NCOA1: variants seen among roughly 807,000 people sequenced by gnomAD.
NCOA1 encodes the protein nuclear receptor coactivator 1, also known as Hin-2 protein.
In NCOA1, 35 loss-of-function variants were observed where a neutral mutation model predicts 150.9. The ratio of observed to expected loss-of-function variants is 0.23; its 90% CI spans 0.18 to 0.31. The LOEUF is 0.31. NCOA1 is among the 10% of genes least tolerant of loss of function. The probability of loss-of-function intolerance (pLI) is 1.00; values close to 1 mark genes in which losing one functional copy is unlikely to be tolerated. For missense variants in NCOA1, 1,491 were observed against 1,749.3 expected, an observed-to-expected ratio of 0.85 and a Z score of 2.63; for synonymous variants, 590 against 630.0, an observed-to-expected ratio of 0.94 and a Z score of 0.95.
chr2:24,673,028 T>C (rs1383395645), intron 6 of NCOA1, among the ~76,000 whole-genome samples: 1 of 152,254 alleles, frequency 6.6e-6, no homozygotes, highest in African/African-American at 2.4e-5. Context: ...TAATTTTTCT[T>C]TTACAACTTA....
At chr2:24,739,970 CT>C (rs200840030) in intron 18 of NCOA1, among the ~76,000 whole-genome samples, 165 of 144,678 alleles carry the variant, frequency 1.1e-3, no homozygotes, top group Admixed American at 1.5e-3. Context: ...TTTTAAATCC[CT>C]TTTTTTTTTT....
At position 24,605,737 on chromosome 2, in the gene NCOA1, C is replaced by T. The variant is rs1668334136; in HGVS notation, c.-175+21177C>T. ...CAGAGTTAGGTTGAATTTTCCACCTCTGTTGCATCAGGAATGGCCATGTAA... is the reference window on the plus strand; with the variant it reads ...CAGAGTTAGGTTGAATTTTCCACCTTTGTTGCATCAGGAATGGCCATGTAA... On this transcript the variant is annotated intron_variant, in intron 3 of 22. Transcript: ENST00000348332. 2.0e-5 allele frequency among the ~76,000 whole-genome samples: 3 copies of T among 152,142 alleles called. No individual in the cohort carries two copies. The South Asian group carries it at 6.2e-4, about 31-fold the overall frequency.
intron 1 of NCOA1, among the ~76,000 whole-genome samples, chr2:24,522,539 C>T (rs145404304): frequency 2.6e-5 from 4 of 152,124 alleles, no homozygotes; most frequent in East Asian, 1.9e-4. Flanking sequence ...GTACAAAGAG[C>T]GTACACCAGA....
At chr2:24,698,381 C>A (rs1462059864) in intron 11 of NCOA1, among the ~76,000 whole-genome samples, 2 of 151,858 alleles carry the variant, frequency 1.3e-5, no homozygotes, top group East Asian at 3.8e-4. Flanking sequence ...GTTGCAGAAC[C>A]TGTATCTCCT....
At chr2:24,758,521 AG>A (rs1664613769) in intron 21 of NCOA1, among the ~76,000 whole-genome samples, 1 of 151,782 alleles carries the variant, frequency 6.6e-6, no homozygotes, top group Admixed American at 6.6e-5. Flanking sequence ...TGCAGAAACA[AG>A]GTCTCACTAT....
At chr2:24,726,067 A>G (rs1399069517) in intron 14 of NCOA1, among the ~76,000 whole-genome samples, 2 of 152,162 alleles carry the variant, frequency 1.3e-5, no homozygotes, top group African/African-American at 2.4e-5. Context: ...GGCCATCATT[A>G]TAAGTCTCAG....
intron 1 of NCOA1, among the ~76,000 whole-genome samples, chr2:24,521,175 G>C (rs1664402110): frequency 6.6e-6 from 1 of 152,048 alleles, no homozygotes; most frequent in African/African-American, 2.4e-5. Flanking sequence ...ATACAACATG[G>C]TATTTTGATA....
chr2:24,550,690 A>G (rs1665788259), intron 1 of NCOA1, among the ~76,000 whole-genome samples: 2 of 152,356 alleles, frequency 1.3e-5, no homozygotes, highest in African/African-American at 2.4e-5. Context: ...TGTGCATAGA[A>G]TATCTATGAA....
At chr2:24,645,690 C>T (rs1038402058) in intron 4 of NCOA1, among the ~76,000 whole-genome samples, 6 of 152,104 alleles carry the variant, frequency 3.9e-5, no homozygotes, top group African/African-American at 1.4e-4. Context: ...TACTTATCAG[C>T]TGAGCATCCG....
intron 3 of NCOA1, among the ~76,000 whole-genome samples, chr2:24,585,986 C>T (rs1018823731): frequency 6.6e-6 from 1 of 151,986 alleles, no homozygotes; most frequent in Non-Finnish European, 1.5e-5. Flanking sequence ...GTTAAAGATT[C>T]ATTTGGGGCC....
chr2:24,751,132 C>T (rs1013665251), intron 19 of NCOA1, among the ~76,000 whole-genome samples: 4 of 150,802 alleles, frequency 2.7e-5, no homozygotes, highest in Non-Finnish European at 4.4e-5. Context: ...AGATAACAGG[C>T]GTTTTTGTAT....
intron 1 of NCOA1, among the ~76,000 whole-genome samples, chr2:24,524,028 G>T (rs1291365735): frequency 6.6e-6 from 1 of 151,416 alleles, no homozygotes; most frequent in Admixed American, 6.6e-5. Context: ...ATCCACTTAT[G>T]GGAGCTGATT....
intron 6 of NCOA1, among the ~76,000 whole-genome samples, chr2:24,669,476 C>G (rs553135324): frequency 1.3e-5 from 2 of 152,278 alleles, no homozygotes; most frequent in South Asian, 4.2e-4. Context: ...AGTCACATAG[C>G]CATTCCTACC....
intron 7 of NCOA1, among the ~76,000 whole-genome samples, chr2:24,673,748 G>A (rs1671783477): frequency 6.6e-6 from 1 of 152,090 alleles, no homozygotes; most frequent in South Asian, 2.1e-4. Context: ...GTTAGGCCTA[G>A]TTGGGAAAAT....
chr2:24,715,785 A>G (rs1236202735), intron 14 of NCOA1, among the ~76,000 whole-genome samples: 3 of 152,180 alleles, frequency 2.0e-5, no homozygotes, highest in East Asian at 1.9e-4. Context: ...GTAAGACACA[A>G]TTTTGTCAAG....
In NCOA1 at chr2:24,561,958, G is replaced by C. The variant is rs112991443; in HGVS notation, c.-395-2337G>C. On this transcript the variant is annotated intron_variant, in intron 1 of 22. Coordinates refer to ENST00000348332, the MANE Select transcript of NCOA1 (RefSeq NM_003743.5). ...TACCTTAATGTTGCTAGGAAAAACTGGTTGGTAATTTGAAATGCAGGTCAG... is the reference window on the plus strand; with the variant it reads ...TACCTTAATGTTGCTAGGAAAAACTCGTTGGTAATTTGAAATGCAGGTCAG... Among the ~76,000 whole-genome samples, 334 of 152,150 alleles carry C rather than the reference G, an allele frequency of 2.2e-3. 6 individuals carry two copies. Among genetic ancestry groups the C allele is most frequent in the African/African-American group, 7.8e-3 (323 of 41,532 alleles).
rs1002939182 is a variant in NCOA1 at position 24,722,674 on chromosome 2, C to A, written c.2600-3915C>A. ...TTTGTGTTCTGTGAACATAAACATT[C>A]TGGGATAATTTTTTTTTAATCTTAT... On this transcript the variant is annotated intron_variant, in intron 14 of 22. Coordinates refer to ENST00000348332, the MANE Select transcript of NCOA1 (RefSeq NM_003743.5). Among the ~76,000 whole-genome samples, 3 of 151,906 alleles carry A rather than the reference C, an allele frequency of 2.0e-5. No individual in the cohort carries two copies. In the East Asian group the frequency reaches 5.8e-4, roughly 29 times the overall value.
At chr2:24,609,587 G>A (rs1385297905) in intron 3 of NCOA1, among the ~76,000 whole-genome samples, 1 of 152,046 alleles carries the variant, frequency 6.6e-6, no homozygotes, top group Non-Finnish European at 1.5e-5. Context: ...CTTGTGAATA[G>A]CCACTGCACC....
chr2:24,492,622 C>G (rs186917626), intron 1 of NCOA1, among the ~76,000 whole-genome samples: 53 of 152,262 alleles, frequency 3.5e-4, no homozygotes, highest in Non-Finnish European at 7.4e-4. Context: ...GCTTGGCCCT[C>G]CTCGTTTCTT....
Sources: allele counts gnomAD v4.1 joint callset (sites outside exome capture counted in the v4.1 genomes callset), GRCh38; gene constraint gnomAD v4.1.1; transcripts MANE v1.5; gene names NCBI Gene and HGNC (gene_info 2026-07-23, HGNC 2026-07-21).